The following PRDM16 variants were observed in gnomAD, a reference collection of about 807,000 sequenced individuals.
PRDM16 encodes PR/SET domain 16.
A neutral mutation model predicts 110.6 loss-of-function variants in PRDM16; 23 were observed. The ratio of observed to expected loss-of-function variants is 0.21; its 90% CI spans 0.15 to 0.29. The LOEUF (loss-of-function observed/expected upper bound fraction) is 0.29, where lower values mean the gene tolerates loss of function less well. PRDM16 is among the 10% of genes least tolerant of loss of function. PRDM16 has a pLI of 1.00. For missense variants in PRDM16, 1,615 were observed against 1,794.3 expected (o/e 0.90, Z 1.81); for synonymous variants, 799 against 781.8 (o/e 1.02, Z -0.37).
At chr1:3,091,675 A>G (rs1484875390) in intron 1 of PRDM16, among the ~76,000 whole-genome samples, 1 of 152,206 alleles carries the variant, frequency 6.6e-6, no homozygotes, top group African/African-American at 2.4e-5. Context: ...TCCTTCCAGC[A>G]GCTGTGCTGT....
At chr1:3,429,819 G>T (rs545891265) in intron 14 of PRDM16, among the ~76,000 whole-genome samples, 1 of 152,376 alleles carries the variant, frequency 6.6e-6, no homozygotes, top group South Asian at 2.1e-4. Flanking sequence ...GGAAATTGTG[G>T]CCTCCCCAAG....
At chr1:3,319,496 T>C (rs1312726522) in intron 3 of PRDM16, among the ~76,000 whole-genome samples, 1 of 152,118 alleles carries the variant, frequency 6.6e-6, no homozygotes, top group Admixed American at 6.5e-5. Context: ...GAGAGAAGCC[T>C]GAGGCCATCA....
chr1:3,363,591 C>G (rs887348939), intron 3 of PRDM16, among the ~76,000 whole-genome samples: 16 of 152,244 alleles, frequency 1.1e-4, no homozygotes, highest in Admixed American at 1.0e-3. Context: ...AGAATCTTAT[C>G]CTGCCTTGAT....
chr1:3,260,572 A>G (rs574703008), intron 3 of PRDM16, among the ~76,000 whole-genome samples: 1 of 151,374 alleles, frequency 6.6e-6, no homozygotes, highest in South Asian at 2.1e-4. Context: ...TGAGATCAAG[A>G]TTTGTGTGAT....
rs1246944622 is a variant in PRDM16, at chr1:3,433,940, G to C, written c.*129G>C. On this transcript the variant is annotated 3_prime_UTR_variant, in exon 17 of 17. Transcript: ENST00000270722. ...CTCAGCATCCTCCCCACCCACCATGGTTCATTCCGACTTTTCCAATGGAAA... is the reference window on the plus strand; with the variant it reads ...CTCAGCATCCTCCCCACCCACCATGCTTCATTCCGACTTTTCCAATGGAAA... 4.3e-6 allele frequency: 4 copies of C among 925,516 alleles called. No homozygotes were observed. Among genetic ancestry groups the C allele is most frequent in the Non-Finnish European group, 6.4e-6 (4 of 628,838 alleles). The allele number at this position is 925,516 out of a possible 1,614,324, so 57.3% of individuals were successfully genotyped here.
At chr1:3,219,568 T>A (rs1639106293) in intron 2 of PRDM16, among the ~76,000 whole-genome samples, 1 of 152,112 alleles carries the variant, frequency 6.6e-6, no homozygotes, top group African/African-American at 2.4e-5. Flanking sequence ...GAAGCCGGGT[T>A]AATAATTACC....
chr1:3,315,918 G>T (rs758341200), intron 3 of PRDM16, among the ~76,000 whole-genome samples: 19 of 151,748 alleles, frequency 1.3e-4, no homozygotes, highest in Middle Eastern at 3.4e-3. Flanking sequence ...AGTGGCGGTG[G>T]CCCTGCCTGC....
chr1:3,422,915 G>A (rs978702599), intron 12 of PRDM16, among the ~76,000 whole-genome samples: 10 of 152,232 alleles, frequency 6.6e-5, no homozygotes, highest in African/African-American at 1.9e-4. Context: ...GCAGGAGCAG[G>A]GGCTCCCAGA....
intron 2 of PRDM16, among the ~76,000 whole-genome samples, chr1:3,225,580 G>T (rs572127225): frequency 6.9e-6 from 1 of 144,102 alleles, no homozygotes; most frequent in Non-Finnish European, 1.5e-5. Flanking sequence ...GTGTGCGCGC[G>T]CGCAGAAGGA....
Position 3,425,796 on chromosome 1 carries a change from A to G in PRDM16, c.3109+46A>G. ...CAGCCCCCAGAGCACCCACACGGGCAGGCCCCACAGAGGGGGAGGGGGAAC... is the reference window on the plus strand; with the variant it reads ...CAGCCCCCAGAGCACCCACACGGGCGGGCCCCACAGAGGGGGAGGGGGAAC... On this transcript the variant is annotated intron_variant, in intron 13 of 16. Transcript: ENST00000270722. This position sits in a 1 kb window ranked among gnomAD's most constrained non-coding sequence, Gnocchi z 6.9. The G allele has an allele frequency of 7.5e-6, 12 of 1,605,814 alleles. No individual in the cohort carries two copies. The highest frequency in any genetic ancestry group is 1.0e-5 in the Non-Finnish European group (12 of 1,174,956).
intron 3 of PRDM16, among the ~76,000 whole-genome samples, chr1:3,298,373 G>C (rs748093972): frequency 4.6e-5 from 7 of 152,218 alleles, no homozygotes; most frequent in African/African-American, 1.4e-4. Context: ...CCTCGCTGTC[G>C]GGAGGAGGGA....
At position 3,377,469 on chromosome 1, in the gene PRDM16, C is replaced by CA. The variant is rs552209195; in HGVS notation, c.439-7677dup. On this transcript the variant is annotated intron_variant, in intron 3 of 16. Coordinates refer to ENST00000270722, the MANE Select transcript of PRDM16 (RefSeq NM_022114.4). ...AGTGCAGGAAACCTCAAATTATATG[C>CA]AAAAAATGTAAAGGTTAAGAGAAAT... 8.3e-4 allele frequency among the ~76,000 whole-genome samples: 127 copies of CA among 152,276 alleles called. 2 individuals carry two copies. Among genetic ancestry groups the CA allele is most frequent in the South Asian group, 7.9e-3 (38 of 4,826 alleles).
intron 3 of PRDM16, among the ~76,000 whole-genome samples, chr1:3,356,645 G>A (rs1357358837): frequency 6.6e-6 from 1 of 152,176 alleles, no homozygotes; most frequent in East Asian, 1.9e-4. Flanking sequence ...GATGATCTTA[G>A]CCTGCCCCAG....
chr1:3,186,267 C>T lies in PRDM16; in HGVS notation c.180C>T (p.Phe60=). 1 of 1,612,040 alleles carries T rather than the reference C, an allele frequency of 6.2e-7. No individual in the cohort carries two copies. Among genetic ancestry groups the T allele is most frequent in the Non-Finnish European group, 8.5e-7 (1 of 1,179,518 alleles). ...CCCCCTTCCCCACCAGCGAGGACTT[C>T]ACCCCCAAGGAGGGCTCGCCGTACG... ...PPSPFPTSED[F]TPKEGSPYEA... Residue 60 remains phenylalanine, a synonymous_variant, in exon 2 of 17, where the codon TTC becomes TTT. Coordinates refer to ENST00000270722, the MANE Select transcript of PRDM16 (RefSeq NM_022114.4).
At chr1:3,421,188 C>A (rs1043718928) in intron 12 of PRDM16, among the ~76,000 whole-genome samples, 5 of 152,158 alleles carry the variant, frequency 3.3e-5, no homozygotes, top group Non-Finnish European at 5.9e-5. Context: ...AAAAGCAGAT[C>A]CCCCTGTAGT....
chr1:3,256,139 G>A (rs1640041023), intron 3 of PRDM16, among the ~76,000 whole-genome samples: 1 of 152,198 alleles, frequency 6.6e-6, no homozygotes, highest in African/African-American at 2.4e-5. Flanking sequence ...GAGACATCCG[G>A]ATAAGAGAAG....
chr1:3,290,048 G>C lies in PRDM16; in HGVS notation c.438+45911G>C, dbSNP rs944157360. On this transcript the variant is annotated intron_variant, in intron 3 of 16. Transcript: ENST00000270722. The surrounding 1 kb of genome is among the most constrained non-coding windows in gnomAD (Gnocchi z 4.8). ...GCTGCTGTGCCTCCCCTGGTGGAGC[G>C]GTTTCTGGCTTTAAAAGTGTGCTCG... Among the ~76,000 whole-genome samples the C allele has an allele frequency of 6.6e-6, 1 of 152,136 alleles. No homozygotes were observed. Among genetic ancestry groups the C allele is most frequent in the Non-Finnish European group, 1.5e-5 (1 of 68,032 alleles).
intron 6 of PRDM16, among the ~76,000 whole-genome samples, chr1:3,403,248 G>A (rs925256830): frequency 6.6e-5 from 10 of 152,198 alleles, no homozygotes; most frequent in African/African-American, 1.2e-4. Context: ...GGCTCCGACC[G>A]CAAATGTCCT....
chr1:3,154,788 A>G (rs564812860), intron 1 of PRDM16, among the ~76,000 whole-genome samples: 1 of 152,314 alleles, frequency 6.6e-6, no homozygotes, highest in Admixed American at 6.5e-5. Context: ...ACCCTGGGTC[A>G]GGGGGTAGTG....
Sources: allele counts gnomAD v4.1 joint callset (sites outside exome capture counted in the v4.1 genomes callset), GRCh38; gene constraint gnomAD v4.1.1; non-coding constraint Gnocchi (gnomAD v3.1); transcripts MANE v1.5; gene names NCBI Gene and HGNC (gene_info 2026-07-23, HGNC 2026-07-21).